ARHGAP15: variants seen among roughly 807,000 people sequenced by gnomAD.
The protein encoded by ARHGAP15 is rho GTPase-activating protein 15.
In ARHGAP15, 51 loss-of-function variants were observed where a neutral mutation model predicts 63.7. That is an observed-to-expected ratio of 0.80 (90% CI 0.64 to 1.01). ARHGAP15 has a LOEUF of 1.01. ARHGAP15 is among the 50% of genes least tolerant of loss of function. ARHGAP15 has a pLI of 0.00. For synonymous variants in ARHGAP15, 191 were observed against 193.8 expected (o/e 0.99, Z 0.12); for missense variants, 560 against 564.6 (o/e 0.99, Z 0.08).
intron 11 of ARHGAP15, among the ~76,000 whole-genome samples, chr2:143,611,859 A>T (rs1698267907): frequency 6.6e-6 from 1 of 152,204 alleles, no homozygotes; most frequent in Non-Finnish European, 1.5e-5. Flanking sequence ...TCTTTGGTTC[A>T]TTCCCCCTTT....
intron 6 of ARHGAP15, among the ~76,000 whole-genome samples, chr2:143,395,699 A>G (rs1195145222): frequency 6.6e-6 from 1 of 152,116 alleles, no homozygotes; most frequent in East Asian, 1.9e-4. Flanking sequence ...TACAGATAGA[A>G]AAAGTATCTC....
chr2:143,650,293 C>G (rs1486209124), intron 12 of ARHGAP15, among the ~76,000 whole-genome samples: 1 of 151,816 alleles, frequency 6.6e-6, no homozygotes, highest in Non-Finnish European at 1.5e-5. Flanking sequence ...GAATGGTTTA[C>G]CAAGAAAAGA....
At chr2:143,330,374 A>C (rs1399906436) in intron 6 of ARHGAP15, among the ~76,000 whole-genome samples, 1 of 152,012 alleles carries the variant, frequency 6.6e-6, no homozygotes, top group East Asian at 1.9e-4. Context: ...AATATACAAA[A>C]CAAACTTGCA....
intron 4 of ARHGAP15, among the ~76,000 whole-genome samples, chr2:143,222,273 T>C (rs1693033259): frequency 6.6e-6 from 1 of 152,208 alleles, no homozygotes; most frequent in South Asian, 2.1e-4. Context: ...ATAAATTACT[T>C]TCACTCCCAT....
At chr2:143,622,780 TTAAA>T (rs1454229690) in intron 11 of ARHGAP15, among the ~76,000 whole-genome samples, 16 of 85,270 alleles carry the variant, frequency 1.9e-4, no homozygotes, top group East Asian at 8.3e-4. Flanking sequence ...GTTCATTTAT[TTAAA>T]AAAAAAAAAA....
At chr2:143,530,638 C>T (rs1285238856) in intron 10 of ARHGAP15, among the ~76,000 whole-genome samples, 1 of 152,058 alleles carries the variant, frequency 6.6e-6, no homozygotes, top group African/African-American at 2.4e-5. Flanking sequence ...GGTAATCTTT[C>T]ACCATCACCA....
At chr2:143,458,050 CTT>C (rs1308633556) in intron 8 of ARHGAP15, among the ~76,000 whole-genome samples, 1 of 151,874 alleles carries the variant, frequency 6.6e-6, no homozygotes, top group South Asian at 2.1e-4. Context: ...AAAGTAGTCT[CTT>C]AGGAATGAAA....
At chr2:143,725,442 C>T (rs2105472180) in intron 13 of ARHGAP15, among the ~76,000 whole-genome samples, 1 of 152,322 alleles carries the variant, frequency 6.6e-6, no homozygotes, top group Non-Finnish European at 1.5e-5. Flanking sequence ...TCTTTTAATT[C>T]ATTATGATTT....
At chr2:143,357,028 G>A (rs764788161) in intron 6 of ARHGAP15, among the ~76,000 whole-genome samples, 20 of 152,006 alleles carry the variant, frequency 1.3e-4, no homozygotes, top group Non-Finnish European at 2.5e-4. Context: ...TTTCTCAACC[G>A]GTCAGCATTA....
At chr2:143,325,247 A>G (rs1175700872) in intron 6 of ARHGAP15, among the ~76,000 whole-genome samples, 4 of 152,178 alleles carry the variant, frequency 2.6e-5, no homozygotes, top group South Asian at 2.1e-4. Flanking sequence ...CTTGAAACAG[A>G]CATTATAAAT....
intron 13 of ARHGAP15, among the ~76,000 whole-genome samples, chr2:143,735,895 C>CT (rs1178210218): frequency 6.6e-6 from 1 of 152,160 alleles, no homozygotes; most frequent in Non-Finnish European, 1.5e-5. Flanking sequence ...GCGCTGGTGC[C>CT]TATAATTAGA....
chr2:143,422,430 G>C (rs1688962819), intron 6 of ARHGAP15, among the ~76,000 whole-genome samples: 1 of 152,114 alleles, frequency 6.6e-6, no homozygotes, highest in Non-Finnish European at 1.5e-5. Context: ...AAAAACTATA[G>C]TTGGGACAAC....
intron 3 of ARHGAP15, among the ~76,000 whole-genome samples, chr2:143,212,114 C>T (rs1212707357): frequency 2.0e-5 from 3 of 150,752 alleles, no homozygotes; most frequent in Non-Finnish European, 4.4e-5. Context: ...GCAATTGTAT[C>T]TGAGAACAAC....
chr2:143,454,495 C>T (rs1167845176), intron 8 of ARHGAP15, among the ~76,000 whole-genome samples: 1 of 152,026 alleles, frequency 6.6e-6, no homozygotes, highest in Non-Finnish European at 1.5e-5. Flanking sequence ...AGCTCCTCAT[C>T]TATTGAGCTC....
chr2:143,581,132 A>C (rs1035382521), intron 11 of ARHGAP15, among the ~76,000 whole-genome samples: 4 of 152,096 alleles, frequency 2.6e-5, no homozygotes, highest in African/African-American at 9.7e-5. Flanking sequence ...GTATGCTTGA[A>C]CACCGTCCAT....
intron 13 of ARHGAP15, among the ~76,000 whole-genome samples, chr2:143,709,576 CATGGACTA>C (rs2105437445): frequency 6.6e-6 from 1 of 152,068 alleles, no homozygotes; most frequent in Non-Finnish European, 1.5e-5. Flanking sequence ...AGACAAATCT[CATGGACTA>C]ATGCCAATTG....
Position 143,584,822 on chromosome 2 carries a change from AT to A in ARHGAP15, c.1003+28342del, listed in dbSNP as rs1697047545. On this transcript the variant is annotated intron_variant, in intron 11 of 13. Transcript: ENST00000295095. ...ATACATCTTTTATTCTCAGTGCAAGATTTTTGATCTACATTTCTGAATAGCT... is the reference window on the plus strand; with the variant it reads ...ATACATCTTTTATTCTCAGTGCAAGATTTTGATCTACATTTCTGAATAGCT... Among the ~76,000 whole-genome samples, 4 of 152,290 alleles carry A rather than the reference AT, an allele frequency of 2.6e-5. 1 individual carries two copies. Among genetic ancestry groups the A allele is most frequent in the Admixed American group, 2.0e-4 (3 of 15,280 alleles).
chr2:143,561,775 T>C (rs940815045), intron 11 of ARHGAP15, among the ~76,000 whole-genome samples: 9 of 152,150 alleles, frequency 5.9e-5, no homozygotes, highest in African/African-American at 1.9e-4. Context: ...AGTGCTGGGA[T>C]TACAGAGTAA....
rs571857652 is a variant in ARHGAP15, at chr2:143,541,170, G to A, written c.926-15238G>A. 2.1e-4 allele frequency among the ~76,000 whole-genome samples: 32 copies of A among 152,154 alleles called. No individual in the cohort carries two copies. The South Asian group carries it at 2.5e-3, about 12-fold the overall frequency. On this transcript the variant is annotated intron_variant, in intron 10 of 13. Coordinates refer to ENST00000295095, the MANE Select transcript of ARHGAP15 (RefSeq NM_018460.4). Reference sequence around the variant, plus strand: ...ACCCTTTCTGCCAGTTGATCGCATCGGTTACTGAGGCTTGTGTATTCATCA... The same window carrying A: ...ACCCTTTCTGCCAGTTGATCGCATCAGTTACTGAGGCTTGTGTATTCATCA...
Sources: gnomAD v4.1 joint callset for allele counts (sites outside exome capture counted in the v4.1 genomes callset) on GRCh38, gnomAD v4.1.1 for gene constraint, MANE v1.5 for transcripts, NCBI Gene and HGNC (gene_info 2026-07-23, HGNC 2026-07-21) for gene names.